The following ATP2B4 variants were observed in gnomAD, a reference collection of about 807,000 sequenced individuals.
The protein encoded by ATP2B4 is plasma membrane calcium-transporting ATPase 4.
ATP2B4 carries 39 observed loss-of-function variants against 110.3 expected under a neutral mutation model. That is an observed-to-expected ratio of 0.35 (90% CI 0.27 to 0.46). ATP2B4 has a LOEUF of 0.46. Among genes scored for constraint, ATP2B4 ranks in the 20% least tolerant of loss-of-function variants. ATP2B4 has a pLI of 1.00. For missense variants in ATP2B4, 1,135 were observed against 1,530.9 expected (o/e 0.74, Z 4.32); for synonymous variants, 538 against 571.7 (o/e 0.94, Z 0.84).
rs780468808 is a variant in ATP2B4 at position 203,722,696 on chromosome 1, T to C, written c.3024+7T>C. ...GGGCACATTCATCTGCCAGGTGAGA[T>C]TCTATCTGCAGTTGGGGCAGGAGAT... On this transcript the variant is annotated splice_region_variant and intron_variant, in intron 18 of 20. Transcript: ENST00000357681. 2 of 1,613,624 alleles carry C rather than the reference T, an allele frequency of 1.2e-6. No homozygotes were observed. The highest frequency in any genetic ancestry group is 4.5e-5 in the East Asian group (2 of 44,864).
rs369620950 is a variant in ATP2B4, at chr1:203,721,192, G to C, written c.2599-5G>C. ...GCTAAAAGGACTGGTTCTTCTCCCC[G>C]CCAGGATTCCCCATTGAAAGCTGTG... On this transcript the variant is annotated splice_polypyrimidine_tract_variant and splice_region_variant and intron_variant, in intron 16 of 20. Coordinates refer to ENST00000357681, the MANE Select transcript of ATP2B4 (RefSeq NM_001684.5). The C allele has an allele frequency of 6.2e-7, 1 of 1,613,806 alleles. No homozygotes were observed. Among genetic ancestry groups the C allele is most frequent in the South Asian group, 1.1e-5 (1 of 91,066 alleles).
At chr1:203,640,447 A>G (rs1482220169) in intron 1 of ATP2B4, among the ~76,000 whole-genome samples, 1 of 152,040 alleles carries the variant, frequency 6.6e-6, no homozygotes, top group Non-Finnish European at 1.5e-5. Context: ...CCTCCCTTGT[A>G]ACTGGGACTA....
intron 1 of ATP2B4, among the ~76,000 whole-genome samples, chr1:203,641,682 T>C (rs1211440310): frequency 6.6e-6 from 1 of 152,180 alleles, no homozygotes; most frequent in African/African-American, 2.4e-5. Flanking sequence ...ATTTTACAGA[T>C]AAGAAAGCTA....
At chr1:203,633,975 G>A (rs1474978746) in intron 1 of ATP2B4, among the ~76,000 whole-genome samples, 1 of 151,926 alleles carries the variant, frequency 6.6e-6, no homozygotes, top group Non-Finnish European at 1.5e-5. Context: ...GCTTGAACCT[G>A]GGAGGCGGAG....
At chr1:203,633,354 G>A (rs111872817) in intron 1 of ATP2B4, among the ~76,000 whole-genome samples, 4 of 152,302 alleles carry the variant, frequency 2.6e-5, no homozygotes, top group African/African-American at 9.6e-5. Context: ...TACCACACTG[G>A]GAGGCCAGGG....
intron 6 of ATP2B4, 96 bp downstream of exon 6, chr1:203,701,019 G>A: frequency 7.0e-7 from 1 of 1,437,966 alleles, no homozygotes; most frequent in Admixed American, 2.4e-5. Flanking sequence ...ATGGTTGGAA[G>A]AATCTGCTGC....
intron 2 of ATP2B4, among the ~76,000 whole-genome samples, chr1:203,691,652 CA>C (rs1665378572): frequency 6.6e-6 from 1 of 152,156 alleles, no homozygotes; most frequent in Admixed American, 6.5e-5. Context: ...GACCTTGAAT[CA>C]ACTGCTTTAT....
chr1:203,698,413 C>A, intron 3 of ATP2B4, 59 bp downstream of exon 3: 1 of 1,549,718 alleles, frequency 6.5e-7, no homozygotes, highest in Non-Finnish European at 8.9e-7. Context: ...CCACCACCAC[C>A]AAGCGCTTAG....
At chr1:203,670,655 G>T (rs1480161345) in intron 1 of ATP2B4, among the ~76,000 whole-genome samples, 1 of 152,192 alleles carries the variant, frequency 6.6e-6, no homozygotes, top group Admixed American at 6.5e-5. Context: ...GGATGCTGAT[G>T]ATAGTTGGTT....
intron 19 of ATP2B4, among the ~76,000 whole-genome samples, chr1:203,724,805 A>T (rs1023155385): frequency 6.9e-6 from 1 of 145,002 alleles, no homozygotes; most frequent in African/African-American, 2.5e-5. Flanking sequence ...GAGTAGCAGT[A>T]TGGCCTGTGG....
chr1:203,640,022 G>T (rs1264973513), intron 1 of ATP2B4, among the ~76,000 whole-genome samples: 3 of 152,130 alleles, frequency 2.0e-5, no homozygotes, highest in African/African-American at 4.8e-5. Context: ...CCTGAGTTTT[G>T]CCCTCTTTAA....
In ATP2B4 at chr1:203,720,743, G is replaced by A. The variant is rs1225375734; in HGVS notation, c.2598+3G>A. On this transcript the variant is annotated splice_donor_region_variant and intron_variant, in intron 16 of 20. Transcript: ENST00000357681. ...TCACTGGAGCCTGTATCACTCAGGTGAAGGGGGTGTGGGTGGGCTGAGACG... is the reference window on the plus strand; with the variant it reads ...TCACTGGAGCCTGTATCACTCAGGTAAAGGGGGTGTGGGTGGGCTGAGACG... The A allele has an allele frequency of 1.9e-6, 3 of 1,609,648 alleles. No individual in the cohort carries two copies. The highest frequency in any genetic ancestry group is 2.5e-6 in the Non-Finnish European group (3 of 1,177,298).
chr1:203,647,389 T>C (rs181972963), intron 1 of ATP2B4, among the ~76,000 whole-genome samples: 1 of 152,030 alleles, frequency 6.6e-6, no homozygotes, highest in Non-Finnish European at 1.5e-5. Flanking sequence ...TGAGCTCTGA[T>C]TGCACCACTG....
chr1:203,700,721 T>G (rs1381916095), intron 5 of ATP2B4, 77 bp from the exon 6 acceptor site: 7 of 1,577,682 alleles, frequency 4.4e-6, no homozygotes, highest in Non-Finnish European at 6.1e-6. Flanking sequence ...TTTTTTCTTC[T>G]AAGTTTGTGT....
At chr1:203,703,515 G>C (rs1307261531) in intron 7 of ATP2B4, 137 bp from the exon 8 acceptor site, 1 of 913,178 alleles carries the variant, frequency 1.1e-6, no homozygotes, top group Non-Finnish European at 1.7e-6. Context: ...AGCATGGGTT[G>C]GAAGTGGTCG....
chr1:203,733,848 G>C (rs1666804455), intron 20 of ATP2B4, among the ~76,000 whole-genome samples: 1 of 152,172 alleles, frequency 6.6e-6, no homozygotes, highest in Non-Finnish European at 1.5e-5. Context: ...TCTTTACATG[G>C]GGGCAAAGTT....
At chr1:203,733,329 A>C (rs758776449) in intron 20 of ATP2B4, 1 of 1,614,140 alleles carries the variant, frequency 6.2e-7, no homozygotes, top group Non-Finnish European at 8.5e-7. Context: ...AGTTCATCCT[A>C]TGTAGCAGTT....
chr1:203,708,248 G>A (rs993286460), intron 10 of ATP2B4, 144 bp downstream of exon 10: 2 of 1,281,986 alleles, frequency 1.6e-6, no homozygotes, highest in Non-Finnish European at 2.2e-6. Flanking sequence ...ACATGTTTGG[G>A]TGAGACTACA....
intron 20 of ATP2B4, among the ~76,000 whole-genome samples, chr1:203,734,687 C>A (rs1666831299): frequency 7.6e-6 from 1 of 131,358 alleles, no homozygotes; most frequent in South Asian, 2.4e-4. Flanking sequence ...ACCTGGGCTA[C>A]AGAGTGAGAC....
Sources: allele counts gnomAD v4.1 joint callset (sites outside exome capture counted in the v4.1 genomes callset), GRCh38; gene constraint gnomAD v4.1.1; transcripts MANE v1.5; gene names NCBI Gene and HGNC (gene_info 2026-07-23, HGNC 2026-07-21).